The following PHF24 variants were observed in gnomAD, a reference collection of about 807,000 sequenced individuals.
PHF24 encodes Galpha inhibitory interacting protein.
In PHF24, 25 loss-of-function variants were observed where a neutral mutation model predicts 42.6. The ratio of observed to expected loss-of-function variants is 0.59; its 90% CI spans 0.43 to 0.82. The LOEUF (loss-of-function observed/expected upper bound fraction) is 0.82. Among genes scored for constraint, PHF24 ranks in the 40% least tolerant of loss-of-function variants. The pLI, the probability that PHF24 is intolerant of heterozygous loss-of-function variation, is 0.00. For synonymous variants in PHF24, 185 were observed against 204.8 expected, an observed-to-expected ratio of 0.90 and a Z score of 0.83; for missense variants, 470 against 538.1, an observed-to-expected ratio of 0.87 and a Z score of 1.25.
At chr9:34,753,170 C>T in the PHF24 span, among the ~76,000 whole-genome samples, 3 of 152,068 alleles carry the variant, frequency 2.0e-5, no homozygotes, top group African/African-American at 7.2e-5. Context: ...CTAGCTACAG[C>T]ATCCAGGTAA....
At chr9:34,917,757 A>T in the PHF24 span, 6 of 904,004 alleles carry the variant, frequency 6.6e-6, no homozygotes, top group Non-Finnish European at 1.1e-5. Context: ...GTGGGGACTA[A>T]TGCCAATCAT....
the PHF24 span, among the ~76,000 whole-genome samples, chr9:34,846,768 A>C: frequency 6.6e-6 from 1 of 152,178 alleles, no homozygotes; most frequent in Non-Finnish European, 1.5e-5. Flanking sequence ...TCTTGAATTA[A>C]TTTTTGTATA....
chr9:34,976,377 T>TTTAGCGG, intron 4 of PHF24, 147 bp downstream of exon 4: 1 of 973,758 alleles, frequency 1.0e-6, no homozygotes, highest in African/African-American at 1.6e-5. Flanking sequence ...GCCAGCAGAG[T>TTTAGCGG]CACCTATCCC....
chr9:34,918,536 A>G, the PHF24 span, among the ~76,000 whole-genome samples: 1 of 152,216 alleles, frequency 6.6e-6, no homozygotes, highest in African/African-American at 2.4e-5. Context: ...TGTCTCCCAT[A>G]AGTAGGTAAG....
At chr9:34,802,274 C>T in the PHF24 span, among the ~76,000 whole-genome samples, 13 of 152,180 alleles carry the variant, frequency 8.5e-5, no homozygotes, top group African/African-American at 2.9e-4. Context: ...TACCCCACTT[C>T]CTAATCACAA....
the PHF24 span, chr9:34,833,812 T>A: frequency 5.2e-6 from 8 of 1,551,580 alleles, no homozygotes; most frequent in African/African-American, 6.9e-5. Flanking sequence ...GTTCTTCAAA[T>A]GAAACCATCT....
chr9:34,681,178 C>G, the PHF24 span: 1 of 152,240 alleles, frequency 6.6e-6, no homozygotes, highest in Non-Finnish European at 1.5e-5. Flanking sequence ...ACATGGACTA[C>G]AACTGTGCTG....
the PHF24 span, among the ~76,000 whole-genome samples, chr9:34,878,293 C>T: frequency 1.3e-5 from 2 of 152,130 alleles, no homozygotes; most frequent in African/African-American, 4.8e-5. Context: ...CTACAGCTCC[C>T]AGCGTGAGTG....
chr9:34,707,071 C>T, the PHF24 span, among the ~76,000 whole-genome samples: 2 of 151,930 alleles, frequency 1.3e-5, no homozygotes, highest in Admixed American at 6.6e-5. Context: ...TTTAGGACTG[C>T]GAAGGGATTA....
the PHF24 span, among the ~76,000 whole-genome samples, chr9:34,863,180 C>CA: frequency 6.6e-6 from 1 of 152,134 alleles, no homozygotes; most frequent in Non-Finnish European, 1.5e-5. Context: ...TCTCTAGACT[C>CA]ACTGGGGGCT....
the PHF24 span, among the ~76,000 whole-genome samples, chr9:34,686,007 T>C: frequency 4.3e-4 from 65 of 152,322 alleles, no homozygotes; most frequent in African/African-American, 1.5e-3. Context: ...GTACCTCAGT[T>C]TTCTCAGCTG....
At chr9:34,921,209 C>T in the PHF24 span, among the ~76,000 whole-genome samples, 2 of 150,424 alleles carry the variant, frequency 1.3e-5, no homozygotes, top group South Asian at 2.1e-4. Flanking sequence ...ACTTTTATTC[C>T]ATTTACATGA....
the PHF24 span, among the ~76,000 whole-genome samples, chr9:34,848,576 AGGGTTTTTTGTGTCTCT>A: frequency 1.3e-5 from 2 of 151,822 alleles, no homozygotes; most frequent in Non-Finnish European, 2.9e-5. Flanking sequence ...AATTTTTTGA[AGGGTTTTTTGTGTCTCT>A]ATTTCCTTCA....
chr9:34,769,709 C>A, the PHF24 span, among the ~76,000 whole-genome samples: 1 of 152,084 alleles, frequency 6.6e-6, no homozygotes, highest in African/African-American at 2.4e-5. Context: ...GGTACTTATG[C>A]ATAAACTGAC....
chr9:34,974,704 T>C lies in PHF24; in HGVS notation c.565-1448T>C, dbSNP rs571956070. Among the ~76,000 whole-genome samples the C allele has an allele frequency of 2.5e-4, 38 of 152,286 alleles. 1 individual carries two copies. The South Asian group carries it at 7.7e-3, about 31-fold the overall frequency. On this transcript the variant is annotated intron_variant, in intron 3 of 7. Coordinates refer to ENST00000242315, the Ensembl canonical transcript of PHF24. ...TCTACAGCCACCATCTAAACACTAATGACTCCTATTTCTGTGTGTCCAGAC... is the reference window on the plus strand; with the variant it reads ...TCTACAGCCACCATCTAAACACTAACGACTCCTATTTCTGTGTGTCCAGAC...
At chr9:34,909,981 GT>G in the PHF24 span, among the ~76,000 whole-genome samples, 1 of 152,180 alleles carries the variant, frequency 6.6e-6, no homozygotes, top group Non-Finnish European at 1.5e-5. Context: ...TGGAGTGATT[GT>G]TTTGTTTCAT....
the PHF24 span, among the ~76,000 whole-genome samples, chr9:34,778,823 C>G: frequency 6.6e-6 from 1 of 152,112 alleles, no homozygotes; most frequent in Non-Finnish European, 1.5e-5. Flanking sequence ...CATTCTTTCC[C>G]AGTGCACCTG....
chr9:34,761,739 A>T, the PHF24 span, among the ~76,000 whole-genome samples: 1 of 152,080 alleles, frequency 6.6e-6, no homozygotes, highest in Non-Finnish European at 1.5e-5. Flanking sequence ...GTACATGTGC[A>T]CAATGTGCAG....
the PHF24 span, among the ~76,000 whole-genome samples, chr9:34,942,498 G>A: frequency 6.6e-6 from 1 of 152,196 alleles, no homozygotes; most frequent in Non-Finnish European, 1.5e-5. Context: ...ATGGATTAGT[G>A]TGATGGTTCT....
Sources: gnomAD v4.1 joint callset for allele counts (sites outside exome capture counted in the v4.1 genomes callset) on GRCh38, gnomAD v4.1.1 for gene constraint, MANE v1.5 for transcripts, NCBI Gene and HGNC (gene_info 2026-07-23, HGNC 2026-07-21) for gene names.